Variants in BTRC observed in about 807,000 individuals in gnomAD.
BTRC encodes F-box/WD repeat-containing protein 1A.
In BTRC, 42 loss-of-function variants were observed where a neutral mutation model predicts 85.5. The ratio of observed to expected loss-of-function variants is 0.49; its 90% CI spans 0.38 to 0.64. BTRC has a LOEUF of 0.64. BTRC is among the 30% of genes least tolerant of loss of function. The pLI, the probability that BTRC is intolerant of heterozygous loss-of-function variation, is 0.00. For synonymous variants in BTRC, 255 were observed against 263.3 expected (o/e 0.97, Z 0.30); for missense variants, 594 against 743.5 (o/e 0.80, Z 2.34).
At chr10:101,493,976 C>A (rs890407127) in intron 4 of BTRC, among the ~76,000 whole-genome samples, 2 of 152,254 alleles carry the variant, frequency 1.3e-5, no homozygotes, top group East Asian at 3.9e-4. Context: ...TTAGCCCTGT[C>A]GGTCTTGTTC....
chr10:101,417,048 CATG>C (rs1159652879), intron 1 of BTRC, among the ~76,000 whole-genome samples: 1 of 151,796 alleles, frequency 6.6e-6, no homozygotes, highest in Non-Finnish European at 1.5e-5. Flanking sequence ...AAGGTTCTGA[CATG>C]ATGTCCCATC....
chr10:101,399,885 A>G (rs963221354), intron 1 of BTRC, among the ~76,000 whole-genome samples: 5 of 152,214 alleles, frequency 3.3e-5, no homozygotes, highest in East Asian at 1.9e-4. Context: ...TTCTTGTCAT[A>G]TCTCACTTGC....
intron 1 of BTRC, among the ~76,000 whole-genome samples, chr10:101,416,128 C>CT (rs753591334): frequency 1.4e-4 from 21 of 152,100 alleles, no homozygotes; most frequent in Non-Finnish European, 2.5e-4. Flanking sequence ...TTGTGACTGG[C>CT]TTATTTCACT....
At chr10:101,516,104 A>T (rs1422786082) in intron 4 of BTRC, among the ~76,000 whole-genome samples, 1 of 152,178 alleles carries the variant, frequency 6.6e-6, no homozygotes, top group East Asian at 1.9e-4. Context: ...AATAGAAAAA[A>T]TATATAGTGA....
chr10:101,488,797 G>A (rs754773821), intron 4 of BTRC, among the ~76,000 whole-genome samples: 1 of 152,032 alleles, frequency 6.6e-6, no homozygotes, highest in Non-Finnish European at 1.5e-5. Context: ...ATATGCAAAA[G>A]CTGGTTACCA....
chr10:101,358,032 C>A (rs1481118440), intron 1 of BTRC, among the ~76,000 whole-genome samples: 1 of 152,018 alleles, frequency 6.6e-6, no homozygotes, highest in Non-Finnish European at 1.5e-5. Flanking sequence ...ATATAGACCC[C>A]AAAACACACA....
intron 3 of BTRC, among the ~76,000 whole-genome samples, chr10:101,471,240 G>T (rs1376610430): frequency 6.6e-6 from 1 of 152,036 alleles, no homozygotes; most frequent in Non-Finnish European, 1.5e-5. Flanking sequence ...AGTCTGTGAG[G>T]GGCTGGGTGT....
At chr10:101,439,565 A>G (rs1944626646) in intron 2 of BTRC, among the ~76,000 whole-genome samples, 1 of 152,124 alleles carries the variant, frequency 6.6e-6, no homozygotes, top group African/African-American at 2.4e-5. Flanking sequence ...TTTTTAAGCA[A>G]CCTTTCTTGT....
chr10:101,475,849 C>T lies in BTRC; in HGVS notation c.235-3519C>T, dbSNP rs192814975. Among the ~76,000 whole-genome samples the T allele has an allele frequency of 1.6e-3, 223 of 143,836 alleles. 6 individuals are homozygous for T. The East Asian group carries it at 0.038, about 24-fold the overall frequency. The allele number at this position is 143,836 out of a possible 152,430, so 94.4% of individuals were successfully genotyped here. A position where few individuals can be genotyped will look rare whatever the true frequency, so the allele number is the denominator to read the frequency against. On this transcript the variant is annotated intron_variant, in intron 3 of 14. Transcript: ENST00000370187. The stretch of plus-strand genomic sequence containing the variant: ...AATTACCATAGGCATGATTAGCACC[C>T]AATGGATGCTAAAATTAGCAAGCTG...
intron 1 of BTRC, among the ~76,000 whole-genome samples, chr10:101,391,385 T>C (rs1943232840): frequency 6.6e-6 from 1 of 152,256 alleles, no homozygotes. Context: ...GAGTTTATAA[T>C]ACTAAAATAT....
intron 1 of BTRC, among the ~76,000 whole-genome samples, chr10:101,369,786 G>A (rs1160434191): frequency 2.0e-5 from 3 of 152,074 alleles, no homozygotes; most frequent in Non-Finnish European, 4.4e-5. Context: ...AATACCACAG[G>A]GTTCGTTCGA....
rs535656002 is a variant in BTRC at position 101,387,528 on chromosome 10, C to CTTTT, written c.48+33315_48+33318dup. On this transcript the variant is annotated intron_variant, in intron 1 of 14. Transcript: ENST00000370187. ...TGTGGCTTTTTATACCTTCATGGGA[C>CTTTT]TTTTTTTTTTTTTTTTTTGAGATAG... is the stretch of plus-strand genomic sequence containing the variant. Among the ~76,000 whole-genome samples the CTTTT allele has an allele frequency of 5.1e-4, 23 of 45,088 alleles. 7 individuals are homozygous for CTTTT. The highest frequency in any genetic ancestry group is 2.6e-3 in the African/African-American group (17 of 6,528). The allele number at this position is 45,088 out of a possible 152,430, so 29.6% of individuals were successfully genotyped here.
chr10:101,505,812 A>C (rs1259228764), intron 4 of BTRC, among the ~76,000 whole-genome samples: 1 of 148,408 alleles, frequency 6.7e-6, no homozygotes, highest in Non-Finnish European at 1.5e-5. Context: ...TCTTTGCTTG[A>C]CCCCCCCCAT....
chr10:101,549,099 A>G (rs1418689439), intron 13 of BTRC, among the ~76,000 whole-genome samples: 2 of 151,842 alleles, frequency 1.3e-5, no homozygotes, highest in East Asian at 3.9e-4. Context: ...ATATGATTAT[A>G]TTTATATGAA....
intron 1 of BTRC, among the ~76,000 whole-genome samples, chr10:101,382,044 G>A (rs1009620579): frequency 1.3e-4 from 16 of 122,834 alleles, no homozygotes; most frequent in African/African-American, 4.6e-4. Context: ...GTGCAGTGGC[G>A]TGATCTCAGC....
intron 1 of BTRC, among the ~76,000 whole-genome samples, chr10:101,373,707 G>C (rs1325711757): frequency 1.3e-5 from 2 of 152,136 alleles, no homozygotes; most frequent in Non-Finnish European, 2.9e-5. Flanking sequence ...CACGAGGTCA[G>C]GAGATCGAGA....
rs150937644 is a variant in BTRC at position 101,358,820 on chromosome 10, TG to T, written c.48+4595del. Among the ~76,000 whole-genome samples the T allele has an allele frequency of 8.9e-3, 1,358 of 152,294 alleles. 16 individuals carry two copies. Among genetic ancestry groups the T allele is most frequent in the African/African-American group, 0.031 (1,297 of 41,560 alleles). On this transcript the variant is annotated intron_variant, in intron 1 of 14. Coordinates refer to ENST00000370187, the MANE Select transcript of BTRC (RefSeq NM_033637.4). The stretch of plus-strand genomic sequence containing the variant: ...ATTTGGAAGTCCAAGAATGTCACTG[TG>T]GGTCAAAGCCAGTCAAGGCCAACTA...
Position 101,354,234 on chromosome 10 carries a change from G to A in BTRC, c.48+6G>A, listed in dbSNP as rs1293098287. On this transcript the variant is annotated splice_donor_region_variant and intron_variant, in intron 1 of 14. Coordinates refer to ENST00000370187, the MANE Select transcript of BTRC (RefSeq NM_033637.4). ...AGAAGGCACTCAAGTTTATGGTGAG[G>A]AGACGGTGGAGGCCGGGGAACGGTG... The A allele has an allele frequency of 6.5e-7, 1 of 1,548,816 alleles. No homozygotes were observed. Among genetic ancestry groups the A allele is most frequent in the African/African-American group, 1.4e-5 (1 of 72,880 alleles).
At chr10:101,467,000 T>C (rs1362343549) in intron 3 of BTRC, among the ~76,000 whole-genome samples, 2 of 152,096 alleles carry the variant, frequency 1.3e-5, no homozygotes, top group Admixed American at 1.3e-4. Context: ...AAAAAGCACA[T>C]CACTGACACA....
Sources: allele counts gnomAD v4.1 joint callset (sites outside exome capture counted in the v4.1 genomes callset), GRCh38; gene constraint gnomAD v4.1.1; transcripts MANE v1.5; gene names NCBI Gene and HGNC (gene_info 2026-07-23, HGNC 2026-07-21).